The following FAM53A variants were observed in gnomAD, a reference collection of about 807,000 sequenced individuals.
FAM53A encodes protein FAM53A.
A neutral mutation model predicts 26.6 loss-of-function variants in FAM53A; 28 were observed. The ratio of observed to expected loss-of-function variants is 1.05; its 90% confidence interval spans 0.78 to 1.45. The LOEUF is 1.45. Among genes scored for constraint, FAM53A ranks in the 40% most tolerant of loss-of-function variants. The pLI is 0.00. For missense variants in FAM53A, 650 were observed against 575.8 expected (o/e 1.13, Z -1.32); for synonymous variants, 290 against 253.1 (o/e 1.15, Z -1.38).
chr4:1,584,518 T>C, the FAM53A span, among the ~76,000 whole-genome samples: 1 of 152,228 alleles, frequency 6.6e-6, no homozygotes, highest in Non-Finnish European at 1.5e-5. Flanking sequence ...CATGAGTAAC[T>C]TGGGAAAGGT....
At chr4:1,654,204 G>A (rs748989460) in intron 4 of FAM53A, among the ~76,000 whole-genome samples, 20 of 152,234 alleles carry the variant, frequency 1.3e-4, no homozygotes, top group Non-Finnish European at 2.9e-4. Context: ...CCCCGACACA[G>A]ATGACCCAGT....
rs377227530 is a variant in FAM53A, at chr4:1,641,534, G to T, written c.956C>A (p.Thr319Lys). 6.2e-7 allele frequency: 1 copy of T among 1,614,226 alleles called. No homozygotes were observed. Among genetic ancestry groups the T allele is most frequent in the South Asian group, 1.1e-5 (1 of 91,090 alleles). The change falls in exon 5 of 5, where the codon ACG (threonine) becomes AAG (lysine). Residue 319 changes from threonine to lysine, a missense_variant. Coordinates refer to ENST00000308132, the MANE Select transcript of FAM53A (RefSeq NM_001174070.3). ...GGAGTCACATGGGGAGGACAGAACC[G>T]TCTTCACTGGGGTGTCATCCTCATC... ...DDDEDDTPVK[T>K]VLSSPCDSRG...
intron 2 of FAM53A, among the ~76,000 whole-genome samples, chr4:1,658,905 C>G (rs1482228429): frequency 6.6e-6 from 1 of 152,256 alleles, no homozygotes; most frequent in Non-Finnish European, 1.5e-5. Flanking sequence ...GGTCCGGGCA[C>G]AGCAGCCCCT....
chr4:1,606,741 G>A, the FAM53A span, among the ~76,000 whole-genome samples: 1 of 152,224 alleles, frequency 6.6e-6, no homozygotes, highest in South Asian at 2.1e-4. Flanking sequence ...GGACCCCTGT[G>A]TAGCGTTCCC....
the FAM53A span, among the ~76,000 whole-genome samples, chr4:1,577,722 A>T: frequency 2.0e-5 from 3 of 152,164 alleles, no homozygotes; most frequent in African/African-American, 4.8e-5. Context: ...GCTCTTGTTA[A>T]TTGGCCTATC....
At chr4:1,636,884 T>TGGG (rs56041921), downstream of FAM53A, among the ~76,000 whole-genome samples, 353 of 150,826 alleles carry the variant, frequency 2.3e-3, no homozygotes, top group Non-Finnish European at 3.5e-3. Context: ...CTGCTCTTGC[T>TGGG]GGGGGGGGGT....
At position 1,642,849 on chromosome 4, in the gene FAM53A, C is replaced by T. The variant is rs74853575; in HGVS notation, c.883-1242G>A. 3.9e-5 allele frequency among the ~76,000 whole-genome samples: 6 copies of T among 152,376 alleles called. No homozygotes were observed. In the South Asian group the frequency reaches 6.2e-4, roughly 16 times the overall value. On this transcript the variant is annotated intron_variant, in intron 4 of 4. Coordinates refer to ENST00000308132, the MANE Select transcript of FAM53A (RefSeq NM_001174070.3). ...TCGACCACACCACGCTGGCTTCAGA[C>T]GCCTCACCTCGTGGCTCAGGCTTGT... is the stretch of plus-strand genomic sequence containing the variant.
intron 1 of FAM53A, among the ~76,000 whole-genome samples, chr4:1,634,084 G>C (rs1453191206): frequency 1.3e-5 from 2 of 152,222 alleles, no homozygotes; most frequent in African/African-American, 2.4e-5. Flanking sequence ...GGCAGAGGGA[G>C]TGCGGGGTTT....
the FAM53A span, among the ~76,000 whole-genome samples, chr4:1,587,324 T>A: frequency 2.6e-5 from 4 of 152,206 alleles, no homozygotes; most frequent in African/African-American, 9.7e-5. Flanking sequence ...CAGACCAATG[T>A]CATGAAGCTT....
At chr4:1,651,863 G>GC (rs966535878) in intron 4 of FAM53A, among the ~76,000 whole-genome samples, 2 of 151,906 alleles carry the variant, frequency 1.3e-5, no homozygotes, top group Admixed American at 1.3e-4. Flanking sequence ...GCCCCGCGCA[G>GC]CCCCAGTCCT....
rs148750362 is a variant in FAM53A at position 1,647,043 on chromosome 4, C to T, written c.883-5436G>A. Among the ~76,000 whole-genome samples the T allele has an allele frequency of 1.3e-4, 20 of 152,218 alleles. No homozygotes were observed. In the East Asian group the frequency reaches 2.9e-3, roughly 22 times the overall value. ...CCAATAAAAACAGAAAAAGTAGCTT[C>T]GCCAGTAAAAGCCGGGCATGGTGGC... On this transcript the variant is annotated intron_variant, in intron 4 of 4. Coordinates refer to ENST00000308132, the MANE Select transcript of FAM53A (RefSeq NM_001174070.3).
At chr4:1,617,910 G>C (rs763359831), downstream of FAM53A, 38 of 398,832 alleles carry the variant, frequency 9.5e-5, no homozygotes, top group Non-Finnish European at 1.5e-4. Context: ...GCAGTCGGCA[G>C]CTGCTGGTGA....
the FAM53A span, among the ~76,000 whole-genome samples, chr4:1,580,506 A>G: frequency 1.3e-5 from 2 of 149,024 alleles, no homozygotes; most frequent in South Asian, 2.1e-4. Flanking sequence ...GGAGCCCCAG[A>G]CCCCACCCGC....
chr4:1,647,272 T>C (rs899053064), intron 4 of FAM53A, among the ~76,000 whole-genome samples: 1 of 150,628 alleles, frequency 6.6e-6, no homozygotes, highest in Non-Finnish European at 1.5e-5. Context: ...GAGGCAGAGG[T>C]TGCAGTTAGC....
At chr4:1,614,145 G>T (rs1291158628), downstream of FAM53A, among the ~76,000 whole-genome samples, 1 of 152,216 alleles carries the variant, frequency 6.6e-6, no homozygotes, top group African/African-American at 2.4e-5. Context: ...GCATAGCACA[G>T]CCACCGCCGG....
At chr4:1,608,915 A>T in the FAM53A span, among the ~76,000 whole-genome samples, 1 of 152,104 alleles carries the variant, frequency 6.6e-6, no homozygotes, top group African/African-American at 2.4e-5. Flanking sequence ...CGCCAGGGAC[A>T]GGGACCATGC....
intron 4 of FAM53A, among the ~76,000 whole-genome samples, chr4:1,643,760 T>C (rs569982690): frequency 3.3e-5 from 5 of 151,726 alleles, no homozygotes; most frequent in African/African-American, 1.2e-4. Context: ...AGCGATGGGG[T>C]CTCGCTTTGT....
intron 1 of FAM53A, among the ~76,000 whole-genome samples, chr4:1,629,939 G>A (rs949890230): frequency 6.6e-6 from 1 of 152,160 alleles, no homozygotes; most frequent in African/African-American, 2.4e-5. Flanking sequence ...GGTTTATTCA[G>A]ATGGGCCCTG....
chr4:1,606,368 A>G, the FAM53A span, among the ~76,000 whole-genome samples: 1 of 151,862 alleles, frequency 6.6e-6, no homozygotes, highest in Admixed American at 6.6e-5. Context: ...ACTGGGGTCT[A>G]TGTCATTAGA....
Sources: gnomAD v4.1 joint callset for allele counts (sites outside exome capture counted in the v4.1 genomes callset) on GRCh38, gnomAD v4.1.1 for gene constraint, MANE v1.5 for transcripts, NCBI Gene and HGNC (gene_info 2026-07-23, HGNC 2026-07-21) for gene names.